GK: variants seen among roughly 807,000 people sequenced by gnomAD.
GK encodes glycerol kinase, also known as ATP:glycerol 3-phosphotransferase.
In GK, 9 loss-of-function variants were observed where a neutral mutation model predicts 56.4. The ratio of observed to expected loss-of-function variants is 0.16; its 90% CI spans 0.10 to 0.28. The LOEUF is 0.28. Among genes scored for constraint, GK ranks in the 10% least tolerant of loss-of-function variants. The pLI, the probability that GK is intolerant of heterozygous loss-of-function variation, is 1.00. For missense variants in GK, 161 were observed against 431.4 expected (o/e 0.37, Z 5.55); for synonymous variants, 104 against 144.1 (o/e 0.72, Z 1.99).
intron 4 of GK, among the ~76,000 whole-genome samples, chrX:30,680,234 A>G (rs1416266533): frequency 9.0e-6 from 1 of 111,525 alleles, no homozygotes. Flanking sequence ...TTACTTTGGG[A>G]TTGTGCTAAG....
chrX:30,696,549 A>T (rs1351383848), intron 7 of GK, 68 bp from the exon 8 acceptor site: 75 of 762,933 alleles, frequency 9.8e-5, no homozygotes, highest in Non-Finnish European at 1.5e-4. Context: ...TTTGCATTTA[A>T]ATACATATAA....
chrX:30,709,996 G>C (rs1195599777), intron 13 of GK, among the ~76,000 whole-genome samples: 1 of 111,567 alleles, frequency 9.0e-6, no homozygotes, highest in African/African-American at 3.3e-5. Context: ...CTCATCTAGA[G>C]ATTTAACAAG....
rs752021501 is a variant in GK at position 30,653,631 on chromosome X, CAT to C, written c.78+17_78+18del. ...GCGCTTTTTGGTGAGCCCGGGGTGA[CAT>C]GTGAAGAGGCGCTGAGCCGGGGCGG... On this transcript the variant is annotated intron_variant, in intron 1 of 20. Coordinates refer to ENST00000427190, the MANE Select transcript of GK (RefSeq NM_001205019.2). 8.4e-7 allele frequency: 1 copy of C among 1,185,862 alleles called. No homozygotes were observed. The highest frequency in any genetic ancestry group is 1.7e-5 in the African/African-American group (1 of 57,396).
chrX:30,666,454 G>A (rs1316350843), intron 2 of GK, among the ~76,000 whole-genome samples: 1 of 111,905 alleles, frequency 8.9e-6, no homozygotes. Flanking sequence ...TCAGAAAAGT[G>A]GTTGTCTGTG....
At chrX:30,672,589 G>C (rs769177412) in intron 3 of GK, among the ~76,000 whole-genome samples, 1 of 112,023 alleles carries the variant, frequency 8.9e-6, no homozygotes, top group South Asian at 3.7e-4. Context: ...TGAGGCGGGC[G>C]GATCACCTGA....
intron 13 of GK, among the ~76,000 whole-genome samples, chrX:30,718,117 TTGA>T (rs1312307539): frequency 8.9e-6 from 1 of 112,282 alleles, no homozygotes; most frequent in Admixed American, 9.5e-5. Context: ...TTTTGTTTTC[TTGA>T]TTTACTATAC....
In GK at chrX:30,675,058, T is replaced by C. The variant is rs1023421245; in HGVS notation, c.260-2317T>C. Reference sequence around the variant, plus strand: ...TTGAAGGAAATTGGATTGTTTAGGCTACACAGCAGAAGAGAAGACTTGAGG... The same window carrying C: ...TTGAAGGAAATTGGATTGTTTAGGCCACACAGCAGAAGAGAAGACTTGAGG... On this transcript the variant is annotated intron_variant, in intron 3 of 20. Transcript: ENST00000427190. Among the ~76,000 whole-genome samples, 14 of 111,717 alleles carry C rather than the reference T, an allele frequency of 1.3e-4. No homozygotes were observed. In the East Asian group the frequency reaches 3.6e-3, roughly 29 times the overall value.
intron 20 of GK, 77 bp downstream of exon 20, chrX:30,727,629 A>G: frequency 1.6e-6 from 1 of 639,974 alleles, no homozygotes; most frequent in Non-Finnish European, 2.5e-6. Context: ...GAAATTTTTC[A>G]GTGTTTTTCA....
At chrX:30,658,849 A>G (rs754922222) in intron 1 of GK, among the ~76,000 whole-genome samples, 1 of 112,442 alleles carries the variant, frequency 8.9e-6, no homozygotes, top group East Asian at 2.8e-4. Flanking sequence ...TGTGGTAGAC[A>G]CATGTTACAT....
At chrX:30,714,268 A>G (rs781281416) in intron 13 of GK, among the ~76,000 whole-genome samples, 1 of 112,203 alleles carries the variant, frequency 8.9e-6, no homozygotes, top group African/African-American at 3.2e-5. Flanking sequence ...GCTTAAAACA[A>G]CACATTTATT....
At chrX:30,680,978 A>G (rs944759027) in intron 4 of GK, among the ~76,000 whole-genome samples, 3 of 112,140 alleles carry the variant, frequency 2.7e-5, no homozygotes, top group Non-Finnish European at 5.6e-5. Context: ...TGCTAATGCT[A>G]GTGGCCTAAC....
intron 1 of GK, among the ~76,000 whole-genome samples, chrX:30,658,319 GT>G (rs370352556): frequency 1.1e-4 from 11 of 104,688 alleles, no homozygotes; most frequent in African/African-American, 1.0e-4. Flanking sequence ...GATTCTTTTT[GT>G]TTTTTTTTTT....
chrX:30,691,276 G>C, intron 5 of GK, 77 bp downstream of exon 5: 1 of 553,311 alleles, frequency 1.8e-6, no homozygotes, highest in Non-Finnish European at 3.2e-6. Flanking sequence ...CTAGAAAGAA[G>C]CATCTTATGG....
At chrX:30,705,668 G>A (rs1252428879) in intron 11 of GK, among the ~76,000 whole-genome samples, 6 of 112,822 alleles carry the variant, frequency 5.3e-5, no homozygotes, top group African/African-American at 1.9e-4. Context: ...TGAGGAAGGC[G>A]AGGTAGATCA....
chrX:30,660,397 A>G (rs1251252020), intron 1 of GK, among the ~76,000 whole-genome samples: 2 of 110,798 alleles, frequency 1.8e-5, no homozygotes, highest in African/African-American at 6.6e-5. Flanking sequence ...AGAGATGAAT[A>G]TAGGACTGGC....
rs1446870724 is a variant in GK, at chrX:30,654,905, A to C, written c.78+1290A>C. ...CAAATCATGTTTTCCTGTGTTATTT[A>C]GTATGTATATATCTGTACATATATA... On this transcript the variant is annotated intron_variant, in intron 1 of 20. Coordinates refer to ENST00000427190, the MANE Select transcript of GK (RefSeq NM_001205019.2). Among the ~76,000 whole-genome samples, 7 of 112,117 alleles carry C rather than the reference A, an allele frequency of 6.2e-5. No homozygotes were observed. The East Asian group carries it at 1.1e-3, about 18-fold the overall frequency.
At chrX:30,702,051 T>A (rs182155366) in intron 11 of GK, among the ~76,000 whole-genome samples, 6,517 of 110,329 alleles carry the variant, frequency 0.059, 214 homozygotes, top group Non-Finnish European at 0.085. Context: ...TTATTTATTT[T>A]TTTTTTTTGA....
rs1937284442 is a variant in GK, at chrX:30,729,900, A to C, written c.*1158A>C. 1 of 112,236 alleles carries C rather than the reference A, an allele frequency of 8.9e-6. No homozygotes were observed. Among genetic ancestry groups the C allele is most frequent in the Admixed American group, 9.5e-5 (1 of 10,525 alleles). 9.2% of individuals were successfully genotyped at this position (112,236 alleles called of 1,213,427 possible). ...TTGAGGGGATAAGAGGATGTCAAAA[A>C]AGTTAAATACCTAAGTAGAAAAAAA... On this transcript the variant is annotated 3_prime_UTR_variant, in exon 21 of 21. Transcript: ENST00000427190.
At chrX:30,711,856 G>A (rs570247585) in intron 13 of GK, among the ~76,000 whole-genome samples, 1 of 111,532 alleles carries the variant, frequency 9.0e-6, no homozygotes, top group South Asian at 3.8e-4. Flanking sequence ...TTTGCCCCAC[G>A]ATCACAACTT....
Sources: gnomAD v4.1 joint callset for allele counts (sites outside exome capture counted in the v4.1 genomes callset) on GRCh38, gnomAD v4.1.1 for gene constraint, MANE v1.5 for transcripts, NCBI Gene and HGNC (gene_info 2026-07-23, HGNC 2026-07-21) for gene names.